The following ZIM2 variants were observed in gnomAD, a reference collection of about 807,000 sequenced individuals.
ZIM2 encodes the protein zinc finger protein 656.
Under a neutral mutation model 38.6 loss-of-function variants are expected in ZIM2, and 14 were observed. The ratio of observed to expected loss-of-function variants is 0.36; its 90% CI spans 0.24 to 0.57. The LOEUF (loss-of-function observed/expected upper bound fraction) is 0.57. Ranked by LOEUF, ZIM2 falls within the 20% of genes least tolerant of loss-of-function variation. The probability of loss-of-function intolerance (pLI) is 0.81; values close to 1 mark genes in which losing one functional copy is unlikely to be tolerated. For missense variants in ZIM2, 680 were observed against 695.1 expected (o/e 0.98, Z 0.24); for synonymous variants, 247 against 245.8 (o/e 1.00, Z -0.04).
At chr19:56,817,508 C>T (rs755724500) in intron 9 of ZIM2, 3 of 1,610,490 alleles carry the variant, frequency 1.9e-6, no homozygotes, top group Admixed American at 3.3e-5. Context: ...ATTATCACTC[C>T]GTGGGAAGAT....
At chr19:56,791,780 T>C (rs2046943784) in intron 9 of ZIM2, among the ~76,000 whole-genome samples, 1 of 152,192 alleles carries the variant, frequency 6.6e-6, no homozygotes, top group South Asian at 2.1e-4. Context: ...AAGGACCCAG[T>C]GGCTTTCTTC....
Position 56,822,803 on chromosome 19 carries a change from C to G in ZIM2, c.140G>C (p.Arg47Thr). 1 of 1,614,154 alleles carries G rather than the reference C, an allele frequency of 6.2e-7. No homozygotes were observed. Among genetic ancestry groups the G allele is most frequent in the Non-Finnish European group, 8.5e-7 (1 of 1,180,034 alleles). ...DRDWDRRGRS[R>T]DMEPRDRWSH... The stretch of plus-strand genomic sequence containing the variant: ...CCAGCGGTCTCGTGGCTCCATGTCT[C>G]TGCTTCTGCCCCTCCGGTCCCAGTC... The change falls in exon 6 of 13, where the codon AGA (arginine) becomes ACA (threonine). Residue 47 changes from arginine to threonine, a missense_variant. By Grantham distance (71) the Arg-to-Thr change is moderately conservative (BLOSUM62 -1). Coordinates refer to ENST00000629319, the MANE Select transcript of ZIM2 (RefSeq NM_001387356.1).
At chr19:56,817,888 C>G in intron 8 of ZIM2, 50 bp from the exon 9 acceptor site, 3 of 1,401,858 alleles carry the variant, frequency 2.1e-6, no homozygotes, top group Non-Finnish European at 3.0e-6. Flanking sequence ...AGGACCAAGA[C>G]TCATCACCAT....
chr19:56,812,409 CTG>C, intron 9 of ZIM2: 1 of 981,968 alleles, frequency 1.0e-6, no homozygotes, highest in Admixed American at 6.3e-5. Flanking sequence ...CTTGGGTTGA[CTG>C]TAAAGAATTT....
intron 1 of ZIM2, among the ~76,000 whole-genome samples, chr19:56,837,406 A>C (rs1207835801): frequency 6.6e-6 from 1 of 152,082 alleles, no homozygotes; most frequent in African/African-American, 2.4e-5. Context: ...CTAGACCCCA[A>C]ATCTTACACC....
chr19:56,784,078 G>A (rs1232857350), intron 10 of ZIM2, among the ~76,000 whole-genome samples: 2 of 151,528 alleles, frequency 1.3e-5, no homozygotes, highest in African/African-American at 4.8e-5. Flanking sequence ...TTTTCTGTCT[G>A]TTTCCAGTCA....
intron 2 of ZIM2, among the ~76,000 whole-genome samples, chr19:56,828,200 A>C (rs916136400): frequency 5.3e-5 from 8 of 152,172 alleles, no homozygotes; most frequent in African/African-American, 1.7e-4. Flanking sequence ...CACCATCCAC[A>C]GCTTGAATCC....
intron 9 of ZIM2, among the ~76,000 whole-genome samples, chr19:56,793,801 T>C (rs2047061264): frequency 6.6e-6 from 1 of 152,130 alleles, no homozygotes; most frequent in Admixed American, 6.5e-5. Context: ...AAGTTGCTGT[T>C]GAATGAAAGA....
intron 9 of ZIM2, among the ~76,000 whole-genome samples, chr19:56,795,605 C>T (rs2047172369): frequency 6.6e-6 from 1 of 152,226 alleles, no homozygotes; most frequent in African/African-American, 2.4e-5. Context: ...GCCAAGTGCC[C>T]TGTGAGACAC....
chr19:56,817,205 T>C, intron 9 of ZIM2: 1 of 1,614,242 alleles, frequency 6.2e-7, no homozygotes, highest in Non-Finnish European at 8.5e-7. Context: ...AAGGGCTTCT[T>C]CCTGGGACAG....
At chr19:56,824,807 C>T (rs2060863180) in intron 3 of ZIM2, 1 of 680,386 alleles carries the variant, frequency 1.5e-6, no homozygotes, top group African/African-American at 1.8e-5. Context: ...TGGAGGCCAC[C>T]TTACCAGAGG....
At chr19:56,816,184 C>G in intron 9 of ZIM2, 1 of 1,614,142 alleles carries the variant, frequency 6.2e-7, no homozygotes, top group East Asian at 2.2e-5. Context: ...GGGGTTAGAG[C>G]TAATGGTGAA....
intron 12 of ZIM2, among the ~76,000 whole-genome samples, 175 bp downstream of exon 12, chr19:56,779,202 G>C (rs941535853): frequency 4.6e-5 from 7 of 152,228 alleles, no homozygotes; most frequent in African/African-American, 1.7e-4. Context: ...AGCTAAGCAG[G>C]AGAGGAGCTC....
chr19:56,802,350 C>T (rs2047564149), intron 9 of ZIM2, among the ~76,000 whole-genome samples: 1 of 152,068 alleles, frequency 6.6e-6, no homozygotes, highest in Non-Finnish European at 1.5e-5. Flanking sequence ...AAAAGATAGC[C>T]CCTTTATTGA....
intron 1 of ZIM2, among the ~76,000 whole-genome samples, chr19:56,839,846 G>A (rs1274887211): frequency 6.7e-6 from 1 of 149,314 alleles, no homozygotes; most frequent in African/African-American, 2.5e-5. Context: ...AGACGATTAC[G>A]TCCAATGCCA....
chr19:56,827,211 C>T lies in ZIM2; in HGVS notation c.-226-748G>A, dbSNP rs150441447. Among the ~76,000 whole-genome samples, 400 of 152,204 alleles carry T rather than the reference C, an allele frequency of 2.6e-3. 1 individual carries two copies. The highest frequency in any genetic ancestry group is 9.0e-3 in the African/African-American group (375 of 41,524). On this transcript the variant is annotated intron_variant, in intron 2 of 12. Transcript: ENST00000629319. Reference sequence around the variant, plus strand: ...AATTAATTTTGTGACCACTTGAATGCCCATATGTATCTTGTCACAAGGTGG... The same window carrying T: ...AATTAATTTTGTGACCACTTGAATGTCCATATGTATCTTGTCACAAGGTGG...
At chr19:56,828,620 C>G (rs2061283043) in intron 2 of ZIM2, among the ~76,000 whole-genome samples, 2 of 151,966 alleles carry the variant, frequency 1.3e-5, no homozygotes, top group Non-Finnish European at 2.9e-5. Context: ...TAAAAACCAA[C>G]CAAAATAAAA....
intron 9 of ZIM2, chr19:56,813,329 C>T (rs2059670606): frequency 9.9e-7 from 1 of 1,005,612 alleles, no homozygotes; most frequent in African/African-American, 1.7e-5. Context: ...ATATACACCT[C>T]ATGAAACACT....
At chr19:56,805,718 A>G (rs2047727231) in intron 9 of ZIM2, among the ~76,000 whole-genome samples, 2 of 152,284 alleles carry the variant, frequency 1.3e-5, no homozygotes, top group South Asian at 4.1e-4. Context: ...GGCCCCCCAA[A>G]CCCCAAAGTG....
Sources: allele counts gnomAD v4.1 joint callset (sites outside exome capture counted in the v4.1 genomes callset), GRCh38; gene constraint gnomAD v4.1.1; transcripts MANE v1.5; gene names NCBI Gene and HGNC (gene_info 2026-07-23, HGNC 2026-07-21).